LRCH3: variants seen among roughly 807,000 people sequenced by gnomAD.
The protein encoded by LRCH3 is leucine rich repeats and calponin homology domain containing 3.
A neutral mutation model predicts 104.5 loss-of-function variants in LRCH3; 68 were observed. The observed-to-expected ratio is 0.65, with a 90% CI of 0.54 to 0.80. The LOEUF is 0.80. Ranked by LOEUF, LRCH3 falls within the 30% of genes least tolerant of loss-of-function variation. The probability of loss-of-function intolerance (pLI) is 0.00; values close to 1 mark genes in which losing one functional copy is unlikely to be tolerated. For synonymous variants in LRCH3, 344 were observed against 361.3 expected (o/e 0.95, Z 0.54); for missense variants, 951 against 953.9 (o/e 1.00, Z 0.04).
chr3:197,839,292 AATTT>A, intron 9 of LRCH3, 25 bp from the exon 10 acceptor site: 1 of 1,494,176 alleles, frequency 6.7e-7, no homozygotes, highest in Non-Finnish European at 9.1e-7. Flanking sequence ...TAATATACTA[AATTT>A]ATTTATTTCT....
intron 10 of LRCH3, among the ~76,000 whole-genome samples, chr3:197,844,474 C>T (rs909246899): frequency 6.6e-6 from 1 of 152,034 alleles, no homozygotes; most frequent in Admixed American, 6.6e-5. Flanking sequence ...TCATAAGCAG[C>T]CTTGATCTCC....
chr3:197,844,874 C>T (rs1738405735), intron 10 of LRCH3, among the ~76,000 whole-genome samples: 3 of 152,134 alleles, frequency 2.0e-5, no homozygotes, highest in Admixed American at 6.6e-5. Flanking sequence ...CCCGCCTCGG[C>T]CTCCCAAAGA....
In LRCH3 at chr3:197,879,373, G is replaced by A. The variant is rs183591468; in HGVS notation, c.2208+3598G>A. On this transcript the variant is annotated intron_variant, in intron 20 of 20. Coordinates refer to ENST00000425562, the MANE Select transcript of LRCH3 (RefSeq NM_001365715.1). ...TAAAATAGACACCCCCTGGCCGGGC[G>A]CGGTGGCTCACGCCTGTAATCCCAG... Among the ~76,000 whole-genome samples, 199 of 152,290 alleles carry A rather than the reference G, an allele frequency of 1.3e-3. 5 individuals are homozygous for A. The East Asian group carries it at 0.025, about 20-fold the overall frequency.
At chr3:197,849,355 C>T (rs1739245380) in intron 12 of LRCH3, among the ~76,000 whole-genome samples, 2 of 150,076 alleles carry the variant, frequency 1.3e-5, no homozygotes, top group African/African-American at 4.9e-5. Context: ...AGCAGAAGTT[C>T]ACAAAGGTAC....
rs756286127 is a variant in LRCH3, at chr3:197,883,561, C to T, written c.2229C>T (p.Leu743=). The T allele has an allele frequency of 3.3e-6, 5 of 1,535,778 alleles. No homozygotes were observed. The highest frequency in any genetic ancestry group is 4.4e-6 in the Non-Finnish European group (5 of 1,146,832). The part of the protein sequence containing the change: ...GVPQEQLCLP[L]HILEEKGLSQ... ...TTCAGGAGCAATTATGTTTGCCTCT[C>T]CACATTTTAGAAGAGAAAGGTTTGA... Residue 743 remains leucine, a synonymous_variant, in exon 21 of 21, where the codon CTC becomes CTT. Coordinates refer to ENST00000425562, the MANE Select transcript of LRCH3 (RefSeq NM_001365715.1). This position sits in a 1 kb window ranked among gnomAD's most constrained non-coding sequence, Gnocchi z 4.2.
chr3:197,873,675 C>T (rs1484178061), intron 19 of LRCH3, among the ~76,000 whole-genome samples: 3 of 151,952 alleles, frequency 2.0e-5, no homozygotes, highest in African/African-American at 7.3e-5. Flanking sequence ...CAGTGAGCCA[C>T]GATCATGCCA....
chr3:197,819,738 C>T (rs9876484), intron 3 of LRCH3, among the ~76,000 whole-genome samples: 1,583 of 151,976 alleles, frequency 0.01, 14 homozygotes, highest in African/African-American at 0.036. Flanking sequence ...AAAAAAAAGT[C>T]TAGCTTCTGA....
intron 9 of LRCH3, among the ~76,000 whole-genome samples, chr3:197,837,718 C>G (rs1460543833): frequency 6.6e-6 from 1 of 151,492 alleles, no homozygotes; most frequent in Non-Finnish European, 1.5e-5. Context: ...TTTCGTGTGC[C>G]TCTTAGAATA....
chr3:197,881,219 A>G (rs1713737083), intron 20 of LRCH3: 1 of 1,001,800 alleles, frequency 1.0e-6, no homozygotes, highest in Non-Finnish European at 1.2e-6. Context: ...TCTGCTTTGA[A>G]CTGTGTCCTG....
At chr3:197,832,565 A>G (rs1189750517) in intron 8 of LRCH3, among the ~76,000 whole-genome samples, 2 of 152,152 alleles carry the variant, frequency 1.3e-5, no homozygotes, top group East Asian at 1.9e-4. Flanking sequence ...TTTATTAGAG[A>G]CAGTACACCT....
chr3:197,817,567 A>G (rs1385401580), intron 3 of LRCH3, among the ~76,000 whole-genome samples: 2 of 151,594 alleles, frequency 1.3e-5, no homozygotes, highest in Non-Finnish European at 2.9e-5. Flanking sequence ...TGGCCCACAC[A>G]GATGGGAAAA....
chr3:197,853,669 AT>A (rs1739919435), intron 13 of LRCH3, among the ~76,000 whole-genome samples: 1 of 152,200 alleles, frequency 6.6e-6, no homozygotes, highest in Non-Finnish European at 1.5e-5. Context: ...GGAAAAGTGT[AT>A]TGTTTGAAAT....
Position 197,879,408 on chromosome 3 carries a change from A to G in LRCH3, c.2208+3633A>G, listed in dbSNP as rs557539534. On this transcript the variant is annotated intron_variant, in intron 20 of 20. Transcript: ENST00000425562. ...ACGCCTGTAATCCCAGCACTTTGGGAGGCCGAGGTGGGCGGATCACGAGGT... is the reference window on the plus strand; with the variant it reads ...ACGCCTGTAATCCCAGCACTTTGGGGGGCCGAGGTGGGCGGATCACGAGGT... Among the ~76,000 whole-genome samples, 86 of 152,190 alleles carry G rather than the reference A, an allele frequency of 5.7e-4. 1 individual carries two copies. In the South Asian group the frequency reaches 0.015, roughly 27 times the overall value.
intron 20 of LRCH3, among the ~76,000 whole-genome samples, chr3:197,877,799 G>A (rs1713075804): frequency 1.3e-5 from 2 of 151,646 alleles, no homozygotes; most frequent in Non-Finnish European, 1.5e-5. Context: ...ATACAAGAAT[G>A]GAAATTTACA....
intron 15 of LRCH3, among the ~76,000 whole-genome samples, chr3:197,863,586 C>T (rs1489077168): frequency 6.6e-6 from 1 of 152,142 alleles, no homozygotes; most frequent in African/African-American, 2.4e-5. Flanking sequence ...ACTGTACTCC[C>T]CTGCCAAGTC....
rs1735665705 is a variant in LRCH3, at chr3:197,829,653, AC to A, written c.869del (p.Pro290ArgfsTer50). On this transcript the variant is annotated frameshift_variant, in exon 6 of 21. Coordinates refer to ENST00000425562, the MANE Select transcript of LRCH3 (RefSeq NM_001365715.1). LOFTEE classifies it high-confidence loss of function. ...CAGATCTGCCGGATTATGATAGGAG[AC>A]CGTTGGGTTTTGGCTCCTGGTAAGT... ...APDLPDYDRR[P>X]LGFGSCHEEL... The A allele has an allele frequency of 6.2e-7, 1 of 1,612,176 alleles. No individual in the cohort carries two copies. The highest frequency in any genetic ancestry group is 1.3e-5 in the African/African-American group (1 of 74,862).
At position 197,885,585 on chromosome 3, in the gene LRCH3, G is replaced by A. The variant is rs554622668; in HGVS notation, c.*1919G>A. The A allele has an allele frequency of 6.6e-6, 1 of 152,490 alleles. No homozygotes were observed. The highest frequency in any genetic ancestry group is 1.9e-4 in the East Asian group (1 of 5,198). The allele number at this position is 152,490 out of a possible 1,614,324, so 9.4% of individuals were successfully genotyped here. On this transcript the variant is annotated 3_prime_UTR_variant, in exon 21 of 21. Coordinates refer to ENST00000425562, the MANE Select transcript of LRCH3 (RefSeq NM_001365715.1). The stretch of plus-strand genomic sequence containing the variant: ...AGATCGTGCCATTGCACCCCAGCCT[G>A]GGCAACAAAAGCGAAATTCCATCTC...
In LRCH3 at chr3:197,883,362, G is replaced by A. The variant is rs1048088783; in HGVS notation, c.2209-179G>A. On this transcript the variant is annotated intron_variant, in intron 20 of 20. Coordinates refer to ENST00000425562, the MANE Select transcript of LRCH3 (RefSeq NM_001365715.1). The surrounding 1 kb of genome is among the most constrained non-coding windows in gnomAD (Gnocchi z 4.2). ...TTAGTTGTATTAATAAAGTGACAGTGAGTGTCAGACACCATCTCTCTAACT... is the reference window on the plus strand; with the variant it reads ...TTAGTTGTATTAATAAAGTGACAGTAAGTGTCAGACACCATCTCTCTAACT... 1.2e-5 allele frequency: 16 copies of A among 1,390,594 alleles called. No homozygotes were observed. The highest frequency in any genetic ancestry group is 1.5e-5 in the Non-Finnish European group (16 of 1,074,178). 86.1% of individuals were successfully genotyped at this position (1,390,594 alleles called of 1,614,324 possible). A position where few individuals can be genotyped will look rare whatever the true frequency, so the allele number is the denominator to read the frequency against.
At chr3:197,800,569 G>C (rs945620124) in intron 1 of LRCH3, among the ~76,000 whole-genome samples, 1 of 152,214 alleles carries the variant, frequency 6.6e-6, no homozygotes, top group Non-Finnish European at 1.5e-5. Flanking sequence ...GCTTGTGGGA[G>C]TGTGAATTGG....
Sources: allele counts gnomAD v4.1 joint callset (sites outside exome capture counted in the v4.1 genomes callset), GRCh38; gene constraint gnomAD v4.1.1; non-coding constraint Gnocchi (gnomAD v3.1); transcripts MANE v1.5; gene names NCBI Gene and HGNC (gene_info 2026-07-23, HGNC 2026-07-21).